Variants in APBA2 observed in about 807,000 individuals in gnomAD.
APBA2 encodes amyloid beta precursor protein binding family A member 2.
Under a neutral mutation model 75.0 loss-of-function variants are expected in APBA2, and 30 were observed. The ratio of observed to expected loss-of-function variants is 0.40; its 90% CI spans 0.30 to 0.54. The LOEUF is 0.54. Among genes scored for constraint, APBA2 ranks in the 20% least tolerant of loss-of-function variants. APBA2 has a pLI of 0.49. For missense variants in APBA2, 801 were observed against 1,016.1 expected (o/e 0.79, Z 2.88); for synonymous variants, 444 against 409.6 (o/e 1.08, Z -1.01).
At chr15:28,922,004 CTG>C (rs1193502347) in intron 2 of APBA2, among the ~76,000 whole-genome samples, 2 of 152,224 alleles carry the variant, frequency 1.3e-5, no homozygotes, top group Non-Finnish European at 2.9e-5. Flanking sequence ...TAGGAGAAGA[CTG>C]TGCATTCCCT....
intron 2 of APBA2, among the ~76,000 whole-genome samples, chr15:28,922,777 TTC>T (rs1304465535): frequency 1.3e-5 from 2 of 152,206 alleles, no homozygotes; most frequent in Non-Finnish European, 2.9e-5. Flanking sequence ...GCCTGTCCTG[TTC>T]CTGCCTCTCA....
chr15:29,027,883 G>A (rs554405836), intron 3 of APBA2, among the ~76,000 whole-genome samples: 3 of 152,128 alleles, frequency 2.0e-5, no homozygotes, highest in African/African-American at 7.2e-5. Flanking sequence ...GATTACAGGC[G>A]TGAGCCACCG....
chr15:29,116,978 G>T (rs914965532), intron 14 of APBA2, 84 bp from the exon 15 acceptor site: 43 of 1,408,940 alleles, frequency 3.1e-5, no homozygotes, highest in Non-Finnish European at 4.0e-5. Context: ...AACTCTGGGG[G>T]GTTTGCCTCT....
At chr15:29,092,762 G>C (rs192552192) in intron 6 of APBA2, among the ~76,000 whole-genome samples, 2 of 152,174 alleles carry the variant, frequency 1.3e-5, no homozygotes, top group Admixed American at 6.5e-5. Flanking sequence ...TTTGGGATGT[G>C]ACGCCTTCTG....
chr15:29,065,577 A>G (rs1032423364), intron 4 of APBA2, among the ~76,000 whole-genome samples: 9 of 152,192 alleles, frequency 5.9e-5, no homozygotes, highest in Non-Finnish European at 1.5e-5. Flanking sequence ...CATGTGGAGA[A>G]AGGAGATGTG....
At chr15:29,106,581 C>T (rs1567021067) in intron 11 of APBA2, 26 bp from the exon 12 acceptor site, 1 of 1,612,866 alleles carries the variant, frequency 6.2e-7, no homozygotes, top group Non-Finnish European at 8.5e-7. Flanking sequence ...CCGCCAGCCC[C>T]TCTCACACTG....
chr15:29,074,887 A>G (rs770029180), intron 4 of APBA2, 34 bp from the exon 5 acceptor site: 91 of 1,606,276 alleles, frequency 5.7e-5, no homozygotes, highest in Non-Finnish European at 7.6e-5. Context: ...TCTCTAACAT[A>G]TAAAATCACG....
At chr15:29,111,490 A>C (rs1020538703) in intron 13 of APBA2, among the ~76,000 whole-genome samples, 25 of 152,124 alleles carry the variant, frequency 1.6e-4, no homozygotes, top group African/African-American at 6.0e-4. Context: ...GCAAATGAAT[A>C]GGCATGGTTA....
chr15:29,106,853 C>T, intron 12 of APBA2, 34 bp downstream of exon 12: 3 of 1,587,862 alleles, frequency 1.9e-6, no homozygotes, highest in Non-Finnish European at 2.6e-6. Flanking sequence ...CCAGGGGTCA[C>T]CTCAACCCTG....
At chr15:28,943,126 T>G (rs1359740923) in intron 2 of APBA2, among the ~76,000 whole-genome samples, 3 of 152,216 alleles carry the variant, frequency 2.0e-5, no homozygotes, top group Non-Finnish European at 2.9e-5. Flanking sequence ...ACAGTGGCCT[T>G]CTACCTGAGG....
At position 28,887,794 on chromosome 15, in the gene APBA2, C is replaced by G. The variant is rs764516822; in HGVS notation, c.-205+1516C>G. On this transcript the variant is annotated intron_variant, in intron 1 of 14. Transcript: ENST00000683413. Reference sequence around the variant, plus strand: ...GCCTTCCCTCGGTGGGCTCTAGCAGCACTGTCAGGGGGGCCCTTGGAGTGG... The same window carrying G: ...GCCTTCCCTCGGTGGGCTCTAGCAGGACTGTCAGGGGGGCCCTTGGAGTGG... 3.7e-4 allele frequency among the ~76,000 whole-genome samples: 57 copies of G among 152,234 alleles called. 1 individual carries two copies. Among genetic ancestry groups the G allele is most frequent in the Non-Finnish European group, 6.8e-4 (46 of 68,002 alleles).
chr15:29,036,010 G>A (rs1273889772), intron 3 of APBA2, among the ~76,000 whole-genome samples: 4 of 152,266 alleles, frequency 2.6e-5, no homozygotes, highest in African/African-American at 7.2e-5. Flanking sequence ...GGACTCCACC[G>A]CTGGTGACCC....
intron 2 of APBA2, among the ~76,000 whole-genome samples, chr15:28,935,433 G>C (rs746603269): frequency 4.6e-5 from 7 of 152,234 alleles, no homozygotes; most frequent in Non-Finnish European, 7.3e-5. Flanking sequence ...CACTGCCGCT[G>C]CTGTCTGGGC....
intron 3 of APBA2, among the ~76,000 whole-genome samples, chr15:29,027,352 TGTG>T (rs2040273135): frequency 6.6e-6 from 1 of 152,204 alleles, no homozygotes; most frequent in East Asian, 1.9e-4. Flanking sequence ...TTGAGCCAAT[TGTG>T]GTAATTTATA....
chr15:29,058,609 G>A (rs2042003369), intron 4 of APBA2, among the ~76,000 whole-genome samples: 1 of 152,166 alleles, frequency 6.6e-6, no homozygotes, highest in South Asian at 2.1e-4. Flanking sequence ...CATGCATTTT[G>A]AAAAGGCTCC....
chr15:29,041,975 A>G (rs930076029), intron 3 of APBA2, among the ~76,000 whole-genome samples: 2 of 152,196 alleles, frequency 1.3e-5, no homozygotes, highest in Non-Finnish European at 2.9e-5. Context: ...TGGGTGGCAT[A>G]AACAACAGAA....
At chr15:29,033,746 G>A (rs1403514157) in intron 3 of APBA2, among the ~76,000 whole-genome samples, 1 of 152,208 alleles carries the variant, frequency 6.6e-6, no homozygotes, top group South Asian at 2.1e-4. Context: ...GGATCACGAG[G>A]TCAGGAGATC....
intron 6 of APBA2, among the ~76,000 whole-genome samples, chr15:29,085,357 C>G (rs1430426298): frequency 1.3e-5 from 2 of 151,938 alleles, no homozygotes; most frequent in African/African-American, 2.4e-5. Flanking sequence ...AACCCCGTCT[C>G]TACTAAAAAT....
chr15:29,000,583 A>G (rs1476881423), intron 3 of APBA2, among the ~76,000 whole-genome samples: 2 of 151,938 alleles, frequency 1.3e-5, no homozygotes, highest in Non-Finnish European at 2.9e-5. Context: ...CTTCATTGAA[A>G]TGGGTGGGAT....
Sources: allele counts gnomAD v4.1 joint callset (sites outside exome capture counted in the v4.1 genomes callset), GRCh38; gene constraint gnomAD v4.1.1; transcripts MANE v1.5; gene names NCBI Gene and HGNC (gene_info 2026-07-23, HGNC 2026-07-21).